Variants in MTMR8 observed in about 807,000 individuals in gnomAD.
MTMR8 encodes phosphatidylinositol-3,5-bisphosphate 3-phosphatase MTMR8.
A neutral mutation model predicts 39.3 loss-of-function variants in MTMR8; 65 were observed. The ratio of observed to expected loss-of-function variants is 1.65; its 90% confidence interval spans 1.35 to 2.03. MTMR8 has a LOEUF of 2.03. Ranked by LOEUF, MTMR8 falls within the 30% of genes most tolerant of loss-of-function variation. The pLI is 0.00. For synonymous variants in MTMR8, 245 were observed against 185.2 expected (o/e 1.32, Z -2.62); for missense variants, 777 against 538.9 (o/e 1.44, Z -4.37).
At chrX:64,278,528 C>G (rs951205243) in intron 12 of MTMR8, among the ~76,000 whole-genome samples, 1 of 76,581 alleles carries the variant, frequency 1.3e-5, no homozygotes, top group African/African-American at 5.4e-5. Flanking sequence ...GGCTGGAGTG[C>G]AATGGTGAGA....
At chrX:64,345,914 C>G (rs909070916) in intron 6 of MTMR8, among the ~76,000 whole-genome samples, 2 of 112,489 alleles carry the variant, frequency 1.8e-5, no homozygotes, top group South Asian at 7.3e-4. Context: ...CCACCACATA[C>G]AGCCCAATTA....
intron 1 of MTMR8, among the ~76,000 whole-genome samples, chrX:64,367,324 C>G (rs376210922): frequency 1.8e-5 from 2 of 111,835 alleles, no homozygotes; most frequent in East Asian, 2.8e-4. Flanking sequence ...AATTTTAGAC[C>G]AATATCCCTG....
intron 12 of MTMR8, among the ~76,000 whole-genome samples, chrX:64,283,399 C>A (rs1306957077): frequency 8.9e-6 from 1 of 112,175 alleles, no homozygotes; most frequent in East Asian, 2.8e-4. Context: ...CCTCTGGGGG[C>A]AGGGTATAGC....
Position 64,359,435 on chromosome X carries a change from C to A in MTMR8, c.117G>T (p.Glu39Asp). Residue 39 changes from glutamate to aspartate, a missense_variant, in exon 2 of 14, where the codon GAG (glutamate) becomes GAT (aspartate). By Grantham distance (45) the Glu-to-Asp change is conservative (BLOSUM62 2). Transcript: ENST00000374852. The part of the protein sequence containing the change: ...YLTATHLIYV[E>D]ASGAARKETW... ...TTTCTTTCCGGGCTGCACCTGAAGC[C>A]TCCACATAGATCAGGTGGGTTGCAG... 2 of 1,207,384 alleles carry A rather than the reference C, an allele frequency of 1.7e-6. No homozygotes were observed. Among genetic ancestry groups the A allele is most frequent in the Non-Finnish European group, 2.2e-6 (2 of 892,677 alleles).
At chrX:64,385,134 G>A (rs1243411418) in intron 1 of MTMR8, among the ~76,000 whole-genome samples, 1 of 111,835 alleles carries the variant, frequency 8.9e-6, no homozygotes, top group African/African-American at 3.3e-5. Flanking sequence ...TCATTCTCAA[G>A]CTCAAACTTC....
chrX:64,328,683 A>G (rs926660430), intron 12 of MTMR8, 89 bp downstream of exon 12: 5 of 924,778 alleles, frequency 5.4e-6, no homozygotes, highest in Non-Finnish European at 7.2e-6. Context: ...CCAGGCTTGT[A>G]CAGATGGTGG....
intron 12 of MTMR8, among the ~76,000 whole-genome samples, chrX:64,273,553 C>G (rs1347404603): frequency 9.0e-6 from 1 of 110,645 alleles, no homozygotes; most frequent in African/African-American, 3.3e-5. Flanking sequence ...AACAAAATCC[C>G]TACAAGGCAA....
chrX:64,334,257 C>T (rs1406742078), intron 10 of MTMR8, among the ~76,000 whole-genome samples: 1 of 110,237 alleles, frequency 9.1e-6, no homozygotes, highest in African/African-American at 3.3e-5. Flanking sequence ...CTGTATTATC[C>T]TATATCCTCT....
At chrX:64,315,454 C>A (rs898967687) in intron 12 of MTMR8, among the ~76,000 whole-genome samples, 1 of 112,003 alleles carries the variant, frequency 8.9e-6, no homozygotes, top group Non-Finnish European at 1.9e-5. Flanking sequence ...CTAGTTGTCC[C>A]AGTTCCCTTG....
intron 12 of MTMR8, among the ~76,000 whole-genome samples, chrX:64,311,578 G>A (rs977158168): frequency 3.6e-5 from 4 of 111,453 alleles, no homozygotes; most frequent in Admixed American, 9.5e-5. Context: ...CTATGCCTAT[G>A]TCCTGAATAG....
chrX:64,324,129 C>G (rs763376714), intron 12 of MTMR8, among the ~76,000 whole-genome samples: 7 of 111,776 alleles, frequency 6.3e-5, no homozygotes, highest in Non-Finnish European at 1.3e-4. Flanking sequence ...TTTGGGGGGG[C>G]CAAAGTGGGA....
chrX:64,313,314 G>A (rs981095656), intron 12 of MTMR8, among the ~76,000 whole-genome samples: 1 of 112,511 alleles, frequency 8.9e-6, no homozygotes, highest in African/African-American at 3.2e-5. Context: ...GCACTTTTGT[G>A]TTATGGAGAT....
chrX:64,270,500 C>G (rs1262033485), intron 13 of MTMR8, among the ~76,000 whole-genome samples: 1 of 112,386 alleles, frequency 8.9e-6, no homozygotes, highest in Non-Finnish European at 1.9e-5. Flanking sequence ...AAGTGTCCAA[C>G]ATGGTCACTC....
At chrX:64,359,295 G>T in intron 2 of MTMR8, 110 bp downstream of exon 2, 1 of 801,249 alleles carries the variant, frequency 1.2e-6, no homozygotes, top group Non-Finnish European at 1.7e-6. Flanking sequence ...CTGAAGAAAA[G>T]GTTTTACAGC....
chrX:64,381,425 C>T (rs750943138), intron 1 of MTMR8, among the ~76,000 whole-genome samples: 18 of 105,513 alleles, frequency 1.7e-4, no homozygotes, highest in Admixed American at 5.0e-4. Flanking sequence ...GCATATCCTT[C>T]GCCTACTTTT....
At chrX:64,385,461 A>G (rs1283583414) in intron 1 of MTMR8, among the ~76,000 whole-genome samples, 1 of 111,491 alleles carries the variant, frequency 9.0e-6, no homozygotes, top group African/African-American at 3.3e-5. Context: ...CTCGGTATCA[A>G]TTTTCTGTAT....
chrX:64,377,463 A>C (rs1332919194), intron 1 of MTMR8, among the ~76,000 whole-genome samples: 1 of 112,772 alleles, frequency 8.9e-6, no homozygotes, highest in African/African-American at 3.2e-5. Context: ...GATGTGAGAC[A>C]TACAGTCAAA....
At chrX:64,304,953 C>CAT (rs1187662941) in intron 12 of MTMR8, 2 of 69,718 alleles carry the variant, frequency 2.9e-5, no homozygotes, top group East Asian at 5.2e-4. Context: ...TATGTATAAA[C>CAT]ATATATATAT....
chrX:64,280,387 G>T (rs1479654975), intron 12 of MTMR8, among the ~76,000 whole-genome samples: 3 of 111,960 alleles, frequency 2.7e-5, no homozygotes, highest in Non-Finnish European at 5.6e-5. Flanking sequence ...GGCAAGGCTG[G>T]TTCAACATAC....
Sources: gnomAD v4.1 joint callset for allele counts (sites outside exome capture counted in the v4.1 genomes callset) on GRCh38, gnomAD v4.1.1 for gene constraint, MANE v1.5 for transcripts, NCBI Gene and HGNC (gene_info 2026-07-23, HGNC 2026-07-21) for gene names.